Variants in TOP3A observed in about 807,000 individuals in gnomAD.
TOP3A encodes the protein DNA topoisomerase III alpha, also known as DNA topoisomerase 3-alpha.
TOP3A carries 64 observed loss-of-function variants against 111.3 expected under a neutral mutation model. The observed-to-expected ratio is 0.57, with a 90% CI of 0.47 to 0.71. The LOEUF is 0.71. Among genes scored for constraint, TOP3A ranks in the 30% least tolerant of loss-of-function variants. The pLI, the probability that TOP3A is intolerant of heterozygous loss-of-function variation, is 0.00. For synonymous variants in TOP3A, 484 were observed against 485.1 expected, an observed-to-expected ratio of 1.00 and a Z score of 0.03; for missense variants, 1,104 against 1,285.0, an observed-to-expected ratio of 0.86 and a Z score of 2.15.
intron 8 of TOP3A, 54 bp downstream of exon 8, chr17:18,301,831 G>A: frequency 1.4e-6 from 2 of 1,422,786 alleles, no homozygotes; most frequent in Admixed American, 1.8e-5. Flanking sequence ...TGCCGACAGT[G>A]GGAGTGGTTT....
chr17:18,296,934 T>C (rs1481329066), intron 9 of TOP3A, among the ~76,000 whole-genome samples: 1 of 152,184 alleles, frequency 6.6e-6, no homozygotes, highest in Non-Finnish European at 1.5e-5. Flanking sequence ...AAGCAATATT[T>C]ATACAGATTA....
chr17:18,306,061 G>C (rs1373723332), intron 4 of TOP3A, among the ~76,000 whole-genome samples: 1 of 152,068 alleles, frequency 6.6e-6, no homozygotes. Flanking sequence ...AATTAGCCGG[G>C]TGTGGTGGCA....
At position 18,304,908 on chromosome 17, in the gene TOP3A, T is replaced by A. The variant is rs560759345; in HGVS notation, c.499+204A>T. On this transcript the variant is annotated intron_variant, in intron 5 of 18. Transcript: ENST00000321105. The stretch of plus-strand genomic sequence containing the variant: ...TGGCAGTCCCAGGAAACATGTCAGA[T>A]TGGCCTGATGTTAGAGACAAGGAAG... Among the ~76,000 whole-genome samples the A allele has an allele frequency of 2.0e-5, 3 of 152,240 alleles. No individual in the cohort carries two copies. In the South Asian group the frequency reaches 6.2e-4, roughly 32 times the overall value.
chr17:18,309,748 C>T (rs1486424771), intron 1 of TOP3A, among the ~76,000 whole-genome samples: 22 of 134,342 alleles, frequency 1.6e-4, no homozygotes, highest in South Asian at 9.7e-4. Context: ...CTGGCTCTGT[C>T]GCCCAGGCTG....
chr17:18,308,796 A>C, intron 2 of TOP3A, 86 bp downstream of exon 2: 3 of 845,680 alleles, frequency 3.5e-6, no homozygotes, highest in Non-Finnish European at 5.4e-6. Context: ...GTTATTCTTA[A>C]GACAGCGACA....
chr17:18,307,931 C>A (rs1597987808), intron 3 of TOP3A, among the ~76,000 whole-genome samples: 2 of 129,732 alleles, frequency 1.5e-5, no homozygotes, highest in South Asian at 2.5e-4. Context: ...AAAAAAAAAA[C>A]CGGGCATGGT....
At chr17:18,298,531 C>A in intron 9 of TOP3A, among the ~76,000 whole-genome samples, 1 of 150,800 alleles carries the variant, frequency 6.6e-6, no homozygotes, top group Non-Finnish European at 1.5e-5. Context: ...CTCTGCCCGG[C>A]CACCACCCTG....
intron 9 of TOP3A, among the ~76,000 whole-genome samples, chr17:18,296,585 CA>C (rs2142974653): frequency 6.6e-6 from 1 of 151,806 alleles, no homozygotes; most frequent in South Asian, 2.1e-4. Flanking sequence ...TCTCAAAAAA[CA>C]AACAAACAAA....
chr17:18,284,149 A>C (rs929890303), intron 15 of TOP3A, among the ~76,000 whole-genome samples: 3 of 147,932 alleles, frequency 2.0e-5, no homozygotes, highest in Non-Finnish European at 3.0e-5. Context: ...ACAGGTACGC[A>C]CCACCATGCC....
At chr17:18,293,847 G>A (rs548060763) in intron 10 of TOP3A, among the ~76,000 whole-genome samples, 48 of 152,192 alleles carry the variant, frequency 3.2e-4, no homozygotes, top group African/African-American at 9.9e-4. Flanking sequence ...CACCCACCTC[G>A]GCCTCCCAAA....
intron 1 of TOP3A, among the ~76,000 whole-genome samples, chr17:18,311,657 G>A (rs1421340203): frequency 6.6e-6 from 1 of 152,198 alleles, no homozygotes; most frequent in Admixed American, 6.6e-5. Flanking sequence ...TTAGGACATA[G>A]CAATTAACAA....
At position 18,275,583 on chromosome 17, in the gene TOP3A, C is replaced by T. The variant is rs539117292; in HGVS notation, c.2828-603G>A. On this transcript the variant is annotated intron_variant, in intron 18 of 18. Transcript: ENST00000321105. Reference sequence around the variant, plus strand: ...TTCATCATGTTAGCCAGGATGGTCTCGATCTCCTAACCTTGTGATCCGCCC... The same window carrying T: ...TTCATCATGTTAGCCAGGATGGTCTTGATCTCCTAACCTTGTGATCCGCCC... Among the ~76,000 whole-genome samples, 3 of 151,656 alleles carry T rather than the reference C, an allele frequency of 2.0e-5. No homozygotes were observed. In the South Asian group the frequency reaches 6.2e-4, roughly 32 times the overall value.
intron 9 of TOP3A, among the ~76,000 whole-genome samples, chr17:18,297,849 T>C (rs1357821105): frequency 1.3e-5 from 2 of 152,022 alleles, no homozygotes; most frequent in Non-Finnish European, 1.5e-5. Context: ...CGCCACCCCA[T>C]CTGGGAAGTG....
rs1979505724 is a variant in TOP3A at position 18,278,052 on chromosome 17, T to C, written c.2450A>G (p.Gln817Arg). Residue 817 changes from glutamine to arginine, a missense_variant, in exon 18 of 19, where the codon CAG becomes CGG. Physicochemically the swap from Gln to Arg is conservative, Grantham distance 43 (BLOSUM62 1). Transcript: ENST00000321105. Reference sequence around the variant, plus strand: ...ACGGACAGTGAGCAGCACAGCCTCCTGGCCACAGTTGCAGGTCACAGAATT... The same window carrying C: ...ACGGACAGTGAGCAGCACAGCCTCCCGGCCACAGTTGCAGGTCACAGAATT... Reference protein sequence around the residue: ...ESNSVTCNCGQEAVLLTVRKE... With the variant: ...ESNSVTCNCGREAVLLTVRKE... 3 of 1,614,092 alleles carry C rather than the reference T, an allele frequency of 1.9e-6. No homozygotes were observed. The highest frequency in any genetic ancestry group is 8.5e-7 in the Non-Finnish European group (1 of 1,180,048).
At chr17:18,276,900 G>T (rs535301627) in intron 18 of TOP3A, among the ~76,000 whole-genome samples, 2 of 152,200 alleles carry the variant, frequency 1.3e-5, no homozygotes, top group East Asian at 3.9e-4. Flanking sequence ...AAGAAATGAG[G>T]CTGGGCCAGG....
chr17:18,297,769 G>A (rs1249014754), intron 9 of TOP3A, among the ~76,000 whole-genome samples: 8 of 152,136 alleles, frequency 5.3e-5, no homozygotes, highest in Non-Finnish European at 7.4e-5. Flanking sequence ...ATCTCGGCTC[G>A]CTACAACCTT....
rs1981604238 is a variant in TOP3A, at chr17:18,306,784, T to C, written c.390+107A>G. 1.3e-5 allele frequency: 10 copies of C among 775,488 alleles called. No homozygotes were observed. The South Asian group carries it at 1.7e-4, about 13-fold the overall frequency. The allele number at this position is 775,488 out of a possible 1,614,324, so 48.0% of individuals were successfully genotyped here. On this transcript the variant is annotated intron_variant, in intron 4 of 18. Transcript: ENST00000321105. ...AGCTTTTTAAATCATGGTAGTGACTTTGGTGGAAAACCTTATCTCCAAATG... is the reference window on the plus strand; with the variant it reads ...AGCTTTTTAAATCATGGTAGTGACTCTGGTGGAAAACCTTATCTCCAAATG...
At chr17:18,309,301 T>C (rs1386762470) in intron 1 of TOP3A, among the ~76,000 whole-genome samples, 4 of 152,212 alleles carry the variant, frequency 2.6e-5, no homozygotes, top group East Asian at 1.9e-4. Flanking sequence ...CTGGAAAATG[T>C]TGGTGTTTCC....
In TOP3A at chr17:18,282,751, C is replaced by T. The variant is rs145321967; in HGVS notation, c.1968G>A (p.Arg656=). The T allele has an allele frequency of 3.1e-6, 5 of 1,614,164 alleles. No homozygotes were observed. In the East Asian group the frequency reaches 1.1e-4, roughly 36 times the overall value. Residue 656 remains arginine (R), a synonymous_variant, in exon 16 of 19, where the codon AGG becomes AGA. Transcript: ENST00000321105. ...DIYPAMPEPI[R]KCPQCNKDMV... ...TGTCCTTGTTGCACTGTGGGCACTT[C>T]CTGATGGGCTCTGGCATGGCTGGGT...
Sources: gnomAD v4.1 joint callset for allele counts (sites outside exome capture counted in the v4.1 genomes callset) on GRCh38, gnomAD v4.1.1 for gene constraint, MANE v1.5 for transcripts, NCBI Gene and HGNC (gene_info 2026-07-23, HGNC 2026-07-21) for gene names.